The following ABCG1 variants were observed in gnomAD, a reference collection of about 807,000 sequenced individuals.
The protein encoded by ABCG1 is ATP-binding cassette sub-family G member 1.
Under a neutral mutation model 69.2 loss-of-function variants are expected in ABCG1, and 29 were observed. That is an observed-to-expected ratio of 0.42 (90% CI 0.31 to 0.57). ABCG1 has a LOEUF of 0.57. Ranked by LOEUF, ABCG1 falls within the 20% of genes least tolerant of loss-of-function variation. The probability of loss-of-function intolerance (pLI) is 0.15; values close to 1 mark genes in which losing one functional copy is unlikely to be tolerated. For synonymous variants in ABCG1, 370 were observed against 374.8 expected, an observed-to-expected ratio of 0.99 and a Z score of 0.15; for missense variants, 718 against 898.1, an observed-to-expected ratio of 0.80 and a Z score of 2.56.
intron 5 of ABCG1, among the ~76,000 whole-genome samples, chr21:42,277,746 C>A (rs1023479172): frequency 6.6e-6 from 1 of 152,138 alleles, no homozygotes; most frequent in African/African-American, 2.4e-5. Context: ...TGGGGTTTGC[C>A]GGGTTAGTGC....
At chr21:42,283,781 CCA>C (rs1160083962) in intron 6 of ABCG1, among the ~76,000 whole-genome samples, 4 of 48,294 alleles carry the variant, frequency 8.3e-5, no homozygotes, top group Admixed American at 1.8e-4. Context: ...GAAGTACCCC[CCA>C]ACCCAGATGA....
chr21:42,207,704 C>A (rs2067554098), intron 2 of ABCG1, among the ~76,000 whole-genome samples: 1 of 152,184 alleles, frequency 6.6e-6, no homozygotes, highest in African/African-American at 2.4e-5. Flanking sequence ...TTGTTGACAC[C>A]CAAAAGAGGG....
At chr21:42,274,490 TTG>T (rs2068674906) in intron 4 of ABCG1, among the ~76,000 whole-genome samples, 5 of 150,252 alleles carry the variant, frequency 3.3e-5, no homozygotes, top group Admixed American at 6.6e-5. Context: ...TTTTTTTTTT[TTG>T]GGGACAGAGT....
chr21:42,262,464 T>C (rs946258864), intron 2 of ABCG1, among the ~76,000 whole-genome samples: 15 of 152,212 alleles, frequency 9.9e-5, no homozygotes, highest in African/African-American at 3.6e-4. Flanking sequence ...TGGGTGGTAT[T>C]CTTAGCCTTA....
Position 42,287,707 on chromosome 21 carries a change from C to G in ABCG1, c.974-182C>G, listed in dbSNP as rs995614724. Among the ~76,000 whole-genome samples the G allele has an allele frequency of 3.3e-5, 5 of 152,216 alleles. No homozygotes were observed. Among genetic ancestry groups the G allele is most frequent in the African/African-American group, 4.8e-5 (2 of 41,462 alleles). On this transcript the variant is annotated intron_variant, in intron 8 of 14. Transcript: ENST00000398449. This position sits in a 1 kb window ranked among gnomAD's most constrained non-coding sequence, Gnocchi z 6.2. ...TCTCCTGACATGATAAAGGGCCTTG[C>G]TGGGGGGTTTGAGAGCCGCACGCTG... is the stretch of plus-strand genomic sequence containing the variant.
At chr21:42,205,058 C>T (rs1199605867) in intron 2 of ABCG1, among the ~76,000 whole-genome samples, 3 of 145,156 alleles carry the variant, frequency 2.1e-5, no homozygotes, top group East Asian at 2.0e-4. Context: ...ATTCAATGTT[C>T]TTAATAGTTA....
chr21:42,274,164 T>G (rs963496711), intron 4 of ABCG1, among the ~76,000 whole-genome samples: 1 of 152,124 alleles, frequency 6.6e-6, no homozygotes, highest in South Asian at 2.1e-4. Flanking sequence ...TGCAAGACCG[T>G]ATGGGGTTGG....
rs779369839 is a variant in ABCG1 at position 42,291,560 on chromosome 21, C to T, written c.1557C>T (p.Ala519=). 22 of 1,613,464 alleles carry T rather than the reference C, an allele frequency of 1.4e-5. No homozygotes were observed. Among genetic ancestry groups the T allele is most frequent in the South Asian group, 2.2e-5 (2 of 91,080 alleles). The change falls in exon 13 of 15, where the codon GCC becomes GCT. Residue 519 remains alanine (A), a synonymous_variant. Transcript: ENST00000398449. The surrounding 1 kb of genome is among the most constrained non-coding windows in gnomAD (Gnocchi z 6.4). ...VYWMTSQPSD[A]VRFVLFAALG... is the part of the protein sequence containing the mutation. ...GGATGACGTCGCAGCCGTCCGACGC[C>T]GTGCGCTTTGTGCTGTTTGCCGCGC...
chr21:42,230,262 T>C (rs2067881717), intron 2 of ABCG1, among the ~76,000 whole-genome samples: 1 of 152,228 alleles, frequency 6.6e-6, no homozygotes, highest in African/African-American at 2.4e-5. Context: ...GATCATATAA[T>C]AGATTCCTAG....
Position 42,287,632 on chromosome 21 carries a change from C to T in ABCG1, c.974-257C>T, listed in dbSNP as rs936487234. On this transcript the variant is annotated intron_variant, in intron 8 of 14. Coordinates refer to ENST00000398449, the MANE Select transcript of ABCG1 (RefSeq NM_016818.3). The surrounding 1 kb of genome is among the most constrained non-coding windows in gnomAD (Gnocchi z 6.2). ...GATGAGCAGTCGGTAGATGCAGGAG[C>T]TCATTACTTCTCAGACCACTGACAG... Among the ~76,000 whole-genome samples, 2 of 152,196 alleles carry T rather than the reference C, an allele frequency of 1.3e-5. No individual in the cohort carries two copies. Among genetic ancestry groups the T allele is most frequent in the Non-Finnish European group, 2.9e-5 (2 of 68,040 alleles).
Position 42,294,670 on chromosome 21 carries a change from G to A in ABCG1, c.1772+10G>A, listed in dbSNP as rs572286940. On this transcript the variant is annotated intron_variant, in intron 14 of 14. Coordinates refer to ENST00000398449, the MANE Select transcript of ABCG1 (RefSeq NM_016818.3). ...ACATCTCCTATGTCAGGTAGCGGGC[G>A]TGGGGCACGCATGGCGTGGGGACCG... 1.1e-5 allele frequency: 18 copies of A among 1,610,788 alleles called. No individual in the cohort carries two copies. The highest frequency in any genetic ancestry group is 8.9e-5 in the East Asian group (4 of 44,850).
At chr21:42,223,963 TGGAGGTGGAGAGGACCCACAATG>T (rs2067772666) in intron 1 of ABCG1, among the ~76,000 whole-genome samples, 1 of 151,736 alleles carries the variant, frequency 6.6e-6, no homozygotes, top group Admixed American at 6.6e-5. Flanking sequence ...CCTCCTGGGG[TGGAGGTGGAGAGGACCCACAATG>T]GGAGAGAAGT....
rs543687745 is a variant in ABCG1, at chr21:42,281,866, C to T, written c.589-408C>T. On this transcript the variant is annotated intron_variant, in intron 5 of 14. Transcript: ENST00000398449. ...TGGGCAGAAACCACCAGAAATTGTG[C>T]ATCCTCTCATGTGTCCATTCATCAA... is the stretch of plus-strand genomic sequence containing the variant. 2.6e-5 allele frequency among the ~76,000 whole-genome samples: 4 copies of T among 152,320 alleles called. No homozygotes were observed. In the East Asian group the frequency reaches 7.7e-4, roughly 29 times the overall value.
intron 2 of ABCG1, among the ~76,000 whole-genome samples, chr21:42,243,465 T>C (rs931209737): frequency 2.7e-5 from 4 of 150,196 alleles, no homozygotes; most frequent in Admixed American, 1.3e-4. Flanking sequence ...TGTGTGTGTG[T>C]GTGTGTGTGT....
At position 42,256,305 on chromosome 21, in the gene ABCG1, C is replaced by T. The variant is rs748439809; in HGVS notation, c.287-14765C>T. 3.5e-5 allele frequency: 54 copies of T among 1,532,964 alleles called. 1 individual carries two copies. Among genetic ancestry groups the T allele is most frequent in the South Asian group, 2.6e-4 (21 of 82,258 alleles). 95.0% of individuals were successfully genotyped at this position (1,532,964 alleles called of 1,614,324 possible). ...AGGAGGTGGTCTTCCAACTTTTGCCCGGAGTCTACAGAGGGTGGGCCCTCT... is the reference window on the plus strand; with the variant it reads ...AGGAGGTGGTCTTCCAACTTTTGCCTGGAGTCTACAGAGGGTGGGCCCTCT... On this transcript the variant is annotated intron_variant, in intron 2 of 14. Coordinates refer to ENST00000398449, the MANE Select transcript of ABCG1 (RefSeq NM_016818.3).
At position 42,219,855 on chromosome 21, in the gene ABCG1, C is replaced by T; in HGVS notation, c.42+551C>T. The T allele has an allele frequency of 3.9e-6, 6 of 1,524,386 alleles. No homozygotes were observed. The highest frequency in any genetic ancestry group is 5.3e-6 in the Non-Finnish European group (6 of 1,137,456). The allele number at this position is 1,524,386 out of a possible 1,614,324, so 94.4% of individuals were successfully genotyped here. A position where few individuals can be genotyped will look rare whatever the true frequency, so the allele number is the denominator to read the frequency against. ...CTGCACTCCCGGGGACACCCTCTCC[C>T]GGACCCACTCGGGGAGGCGGCGGCG... On this transcript the variant is annotated intron_variant, in intron 1 of 14. Transcript: ENST00000398449. The surrounding 1 kb of genome is among the most constrained non-coding windows in gnomAD (Gnocchi z 5.3).
intron 4 of ABCG1, among the ~76,000 whole-genome samples, chr21:42,274,540 T>C (rs1470603893): frequency 1.4e-5 from 2 of 147,682 alleles, no homozygotes; most frequent in African/African-American, 2.5e-5. Flanking sequence ...AGTGGCACGA[T>C]CTCAGCTCAC....
intron 6 of ABCG1, among the ~76,000 whole-genome samples, chr21:42,283,893 A>G (rs8130657): frequency 0.041 from 152 of 3,746 alleles, 4 homozygotes; most frequent in Admixed American, 0.071. Context: ...GGACAGTTGC[A>G]AAGTCCCCCC....
chr21:42,250,885 C>T (rs983213981), intron 2 of ABCG1, among the ~76,000 whole-genome samples: 3 of 152,200 alleles, frequency 2.0e-5, no homozygotes, highest in Admixed American at 6.5e-5. Flanking sequence ...CCCCAGACCC[C>T]GCAGGGATCG....
Sources: allele counts gnomAD v4.1 joint callset (sites outside exome capture counted in the v4.1 genomes callset), GRCh38; gene constraint gnomAD v4.1.1; non-coding constraint Gnocchi (gnomAD v3.1); transcripts MANE v1.5; gene names NCBI Gene and HGNC (gene_info 2026-07-23, HGNC 2026-07-21).